The following LRP1B variants were observed in gnomAD, a reference collection of about 807,000 sequenced individuals.
LRP1B encodes LDL receptor related protein 1B, also known as low-density lipoprotein receptor-related protein 1B.
Under a neutral mutation model 556.6 loss-of-function variants are expected in LRP1B, and 217 were observed. That is an observed-to-expected ratio of 0.39 (90% confidence interval 0.35 to 0.44). LRP1B has a LOEUF of 0.44. Ranked by LOEUF, LRP1B falls within the 20% of genes least tolerant of loss-of-function variation. LRP1B has a pLI of 1.00. For synonymous variants in LRP1B, 2,047 were observed against 1,865.8 expected, an observed-to-expected ratio of 1.10 and a Z score of -2.50; for missense variants, 5,053 against 5,620.8, an observed-to-expected ratio of 0.90 and a Z score of 3.23.
At chr2:140,276,905 G>T (rs1682695448) in intron 84 of LRP1B, among the ~76,000 whole-genome samples, 1 of 151,926 alleles carries the variant, frequency 6.6e-6, no homozygotes, top group African/African-American at 2.4e-5. Flanking sequence ...GGCCCAGGTA[G>T]TTCCCATGGG....
At chr2:141,062,423 TCATAAA>T in intron 7 of LRP1B, 150 bp from the exon 8 acceptor site, 1 of 593,136 alleles carries the variant, frequency 1.7e-6, no homozygotes, top group Non-Finnish European at 3.0e-6. Context: ...ATAATATCAC[TCATAAA>T]CAGAGAAATC....
intron 2 of LRP1B, among the ~76,000 whole-genome samples, chr2:141,661,230 G>A (rs56078839): frequency 0.22 from 33,680 of 152,030 alleles, 4,563 homozygotes; most frequent in East Asian, 0.53. Flanking sequence ...AGGAATCCAC[G>A]AAAAAAATGC....
intron 32 of LRP1B, among the ~76,000 whole-genome samples, chr2:140,777,018 A>G (rs372979728): frequency 2.6e-5 from 4 of 152,308 alleles, no homozygotes; most frequent in South Asian, 4.1e-4. Flanking sequence ...TCATCTCCCT[A>G]TCTGAAAAAC....
intron 31 of LRP1B, among the ~76,000 whole-genome samples, chr2:140,825,935 G>A (rs1268391318): frequency 2.0e-5 from 3 of 152,348 alleles, no homozygotes; most frequent in Admixed American, 6.5e-5. Flanking sequence ...TGCTGTGGAA[G>A]TATTTTGCTG....
intron 17 of LRP1B, among the ~76,000 whole-genome samples, chr2:140,987,979 C>T (rs910278900): frequency 6.6e-6 from 1 of 150,706 alleles, no homozygotes; most frequent in Non-Finnish European, 1.5e-5. Flanking sequence ...GCAAGACTGT[C>T]GAAAAAAAAG....
intron 41 of LRP1B, among the ~76,000 whole-genome samples, chr2:140,634,707 A>T (rs1684011059): frequency 2.0e-5 from 3 of 152,064 alleles, no homozygotes; most frequent in Admixed American, 2.0e-4. Flanking sequence ...TAGTCTTAGC[A>T]TGAGAAAAAA....
chr2:140,581,161 G>A (rs375990637), intron 43 of LRP1B, among the ~76,000 whole-genome samples: 1 of 152,278 alleles, frequency 6.6e-6, no homozygotes, highest in African/African-American at 2.4e-5. Flanking sequence ...AGAGTGGGAG[G>A]ACCTGAAGTC....
At chr2:141,585,887 T>TC (rs1460051190) in intron 2 of LRP1B, among the ~76,000 whole-genome samples, 5 of 145,048 alleles carry the variant, frequency 3.4e-5, no homozygotes, top group Middle Eastern at 3.7e-3. Context: ...CAGGTGCACT[T>TC]TTTTTTTTTT....
intron 7 of LRP1B, among the ~76,000 whole-genome samples, chr2:141,104,846 C>A (rs1700565550): frequency 6.6e-6 from 1 of 151,934 alleles, no homozygotes; most frequent in African/African-American, 2.4e-5. Context: ...AAAACACCTG[C>A]CTGTCGTTAA....
chr2:141,984,402 A>G (rs1263573503), intron 1 of LRP1B, among the ~76,000 whole-genome samples: 1 of 152,152 alleles, frequency 6.6e-6, no homozygotes, highest in Admixed American at 6.5e-5. Flanking sequence ...TTTGACAGAA[A>G]CAGGATTTTG....
chr2:141,987,069 A>C (rs1391042580), intron 1 of LRP1B, among the ~76,000 whole-genome samples: 1 of 152,036 alleles, frequency 6.6e-6, no homozygotes, highest in Non-Finnish European at 1.5e-5. Flanking sequence ...TACCAGGCAC[A>C]TAATTCACTT....
chr2:141,020,102 T>C lies in LRP1B; in HGVS notation c.1790A>G (p.Asp597Gly). 3 of 1,502,858 alleles carry C rather than the reference T, an allele frequency of 2.0e-6. No homozygotes were observed. The highest frequency in any genetic ancestry group is 1.8e-6 in the Non-Finnish European group (2 of 1,121,218). The allele number at this position is 1,502,858 out of a possible 1,614,324, so 93.1% of individuals were successfully genotyped here. A position where few individuals can be genotyped will look rare whatever the true frequency, so the allele number is the denominator to read the frequency against. Residue 597 changes from aspartate (D) to glycine (G), a missense_variant and splice_region_variant, in exon 12 of 91, where the codon GAT becomes GGT. Physicochemically the swap from Asp to Gly is moderately conservative, Grantham distance 94. Transcript: ENST00000389484. ...AGCAATGCCCTCTACATTATCCAGA[T>C]CTATAAAAAAAGCAAAAACAAGAAA... ...GTERETILKD[D>G]LDNVEGIAVD...
intron 1 of LRP1B, among the ~76,000 whole-genome samples, chr2:142,011,149 G>T (rs1037329036): frequency 3.9e-5 from 6 of 152,250 alleles, no homozygotes; most frequent in African/African-American, 1.4e-4. Flanking sequence ...GAGCTGAAAA[G>T]AAATCTTTGG....
In LRP1B at chr2:140,291,318, A is replaced by ATATATATTTTTT. The variant is rs369391920; in HGVS notation, c.12967+6489_12967+6490insAAAAAATATATA. On this transcript the variant is annotated intron_variant, in intron 84 of 90. Coordinates refer to ENST00000389484, the MANE Select transcript of LRP1B (RefSeq NM_018557.3). ...TTATTTTATATATATATATATATAT[A>ATATATATTTTTT]TTTTTATTATACTTTAAGTTCTAGG... 8.4e-3 allele frequency among the ~76,000 whole-genome samples: 923 copies of ATATATATTTTTT among 109,300 alleles called. 30 individuals are homozygous for ATATATATTTTTT. Among genetic ancestry groups the ATATATATTTTTT allele is most frequent in the South Asian group, 0.016 (49 of 3,096 alleles). The allele number at this position is 109,300 out of a possible 152,430, so 71.7% of individuals were successfully genotyped here. A position where few individuals can be genotyped will look rare whatever the true frequency, so the allele number is the denominator to read the frequency against.
intron 1 of LRP1B, among the ~76,000 whole-genome samples, chr2:142,115,466 TATATTACA>T (rs1417693560): frequency 1.3e-5 from 1 of 78,892 alleles, no homozygotes; most frequent in Non-Finnish European, 2.7e-5. Context: ...CCTATATATA[TATATTACA>T]TACATATAAT....
At position 141,480,447 on chromosome 2, in the gene LRP1B, T is replaced by A. The variant is rs750213206; in HGVS notation, c.292A>T (p.Asn98Tyr). 6.2e-7 allele frequency: 1 copy of A among 1,614,022 alleles called. No individual in the cohort carries two copies. Among genetic ancestry groups the A allele is most frequent in the Non-Finnish European group, 8.5e-7 (1 of 1,179,938 alleles). ...CCATCTGGGCAGTCCAAGACACCAT[T>A]GCACAGCTGGGATAAATGAACACAT... ...NKCVHLSQLC[N>Y]GVLDCPDGYD... is the part of the protein sequence containing the mutation. The change falls in exon 3 of 91, where the codon AAT becomes TAT. Residue 98 changes from asparagine to tyrosine, a missense_variant. Physicochemically the swap from Asn to Tyr is moderately radical, Grantham distance 143. Coordinates refer to ENST00000389484, the MANE Select transcript of LRP1B (RefSeq NM_018557.3).
chr2:141,704,490 T>C (rs138870145), intron 2 of LRP1B, among the ~76,000 whole-genome samples: 81 of 152,054 alleles, frequency 5.3e-4, no homozygotes, highest in African/African-American at 1.8e-3. Flanking sequence ...AAATTTAAGA[T>C]TTCAACTTTC....
In LRP1B at chr2:140,359,481, G is replaced by A. The variant is rs535545107; in HGVS notation, c.11132-535C>T. Reference sequence around the variant, plus strand: ...ATGATCTTAGTTATTCATCTTTAAAGTACATGTTTTTGTGTGTATTTAAAA... The same window carrying A: ...ATGATCTTAGTTATTCATCTTTAAAATACATGTTTTTGTGTGTATTTAAAA... On this transcript the variant is annotated intron_variant, in intron 72 of 90. Transcript: ENST00000389484. 5.3e-5 allele frequency among the ~76,000 whole-genome samples: 8 copies of A among 151,700 alleles called. No homozygotes were observed. The East Asian group carries it at 1.6e-3, about 30-fold the overall frequency.
intron 1 of LRP1B, among the ~76,000 whole-genome samples, chr2:142,024,126 C>T (rs951164736): frequency 3.3e-5 from 5 of 152,136 alleles, no homozygotes; most frequent in African/African-American, 4.8e-5. Context: ...AAGGAGTTTG[C>T]CTACTAGGCA....
Sources: gnomAD v4.1 joint callset for allele counts (sites outside exome capture counted in the v4.1 genomes callset) on GRCh38, gnomAD v4.1.1 for gene constraint, MANE v1.5 for transcripts, NCBI Gene and HGNC (gene_info 2026-07-23, HGNC 2026-07-21) for gene names.